The following RRAS2 variants were observed in gnomAD, a reference collection of about 807,000 sequenced individuals.
RRAS2 encodes the protein ras-related protein R-Ras2.
RRAS2 carries 7 observed loss-of-function variants against 27.6 expected under a neutral mutation model. The observed-to-expected ratio is 0.25, with a 90% CI of 0.14 to 0.48. The LOEUF (loss-of-function observed/expected upper bound fraction) is 0.48, where lower values mean the gene tolerates loss of function less well. RRAS2 is among the 20% of genes least tolerant of loss of function. The pLI, the probability that RRAS2 is intolerant of heterozygous loss-of-function variation, is 0.99. For missense variants in RRAS2, 178 were observed against 256.2 expected, an observed-to-expected ratio of 0.69 and a Z score of 2.08; for synonymous variants, 86 against 90.9, an observed-to-expected ratio of 0.95 and a Z score of 0.31.
chr11:14,361,477 C>T (rs996505974), upstream of RRAS2, among the ~76,000 whole-genome samples: 5 of 149,878 alleles, frequency 3.3e-5, no homozygotes, highest in East Asian at 5.9e-4. Context: ...TTCAGTGAGC[C>T]GAGCTCGGGG....
intron 4 of RRAS2, among the ~76,000 whole-genome samples, chr11:14,293,128 T>C (rs1319507851): frequency 2.0e-5 from 1 of 49,990 alleles, no homozygotes; most frequent in African/African-American, 5.9e-5. Flanking sequence ...AAAACAAATA[T>C]ATATATATAT....
chr11:14,294,322 TAC>T lies in RRAS2; in HGVS notation c.408+147_408+148del, dbSNP rs1847489869. ...TTTCACCCGCTGTGACTTCTGTAAATACAGTGTGCCAGACTCAGCTATAAACA... is the reference window on the plus strand; with the variant it reads ...TTTCACCCGCTGTGACTTCTGTAAATAGTGTGCCAGACTCAGCTATAAACA... On this transcript the variant is annotated intron_variant, in intron 4 of 5. Coordinates refer to ENST00000256196, the MANE Select transcript of RRAS2 (RefSeq NM_012250.6). 8.9e-6 allele frequency: 4 copies of T among 450,254 alleles called. No individual in the cohort carries two copies. In the Admixed American group the frequency reaches 1.7e-4, roughly 19 times the overall value. 27.9% of individuals were successfully genotyped at this position (450,254 alleles called of 1,614,324 possible). A position where few individuals can be genotyped will look rare whatever the true frequency, so the allele number is the denominator to read the frequency against.
chr11:14,357,277 C>G (rs1192771870), intron 1 of RRAS2, among the ~76,000 whole-genome samples: 1 of 152,092 alleles, frequency 6.6e-6, no homozygotes, highest in African/African-American at 2.4e-5. Context: ...CACTCCTAGA[C>G]TTCTCCTCCA....
intron 1 of RRAS2, chr11:14,356,712 TC>T (rs1564986404): frequency 2.2e-6 from 1 of 445,034 alleles, no homozygotes; most frequent in Non-Finnish European, 4.5e-6. Flanking sequence ...TTTAATATCA[TC>T]TAGAGCATCC....
chr11:14,309,379 T>C (rs1197436068), intron 1 of RRAS2, among the ~76,000 whole-genome samples: 1 of 152,244 alleles, frequency 6.6e-6, no homozygotes, highest in Admixed American at 6.5e-5. Flanking sequence ...ACCTATAATG[T>C]GCCAAGCATT....
rs56201664 is a variant in RRAS2 at position 14,278,523 on chromosome 11, A to G, written c.*814T>C. ...CTCTGACCCTGGAAAGATCAATTCC[A>G]TATTTTATATTACAAACAAAAACAG... On this transcript the variant is annotated 3_prime_UTR_variant, in exon 6 of 6. Transcript: ENST00000256196. 109 of 152,362 alleles carry G rather than the reference A, an allele frequency of 7.2e-4. No individual in the cohort carries two copies. The highest frequency in any genetic ancestry group is 2.4e-3 in the African/African-American group (100 of 41,586). The allele number at this position is 152,362 out of a possible 1,614,324, so 9.4% of individuals were successfully genotyped here.
chr11:14,312,595 T>C (rs1385989906), intron 1 of RRAS2, among the ~76,000 whole-genome samples: 2 of 152,114 alleles, frequency 1.3e-5, no homozygotes, highest in Non-Finnish European at 1.5e-5. Flanking sequence ...AATTTTTTCA[T>C]TTTTTTGTAG....
intron 1 of RRAS2, among the ~76,000 whole-genome samples, chr11:14,337,957 A>C (rs1848620745): frequency 2.0e-5 from 3 of 152,170 alleles, no homozygotes; most frequent in Admixed American, 2.0e-4. Context: ...GAAAGGAAAA[A>C]ACATGGTTAG....
chr11:14,330,615 G>A (rs1310879061), intron 1 of RRAS2, among the ~76,000 whole-genome samples: 1 of 151,856 alleles, frequency 6.6e-6, no homozygotes. Flanking sequence ...CAGATTCCCT[G>A]AAAAAGCAGA....
At chr11:14,343,168 T>G (rs549493851) in intron 1 of RRAS2, among the ~76,000 whole-genome samples, 1 of 152,206 alleles carries the variant, frequency 6.6e-6, no homozygotes, top group South Asian at 2.1e-4. Flanking sequence ...GCTCAGCCAA[T>G]GGCTTCTTTC....
chr11:14,295,918 A>AGC, intron 1 of RRAS2, 63 bp from the exon 2 acceptor site: 6 of 1,477,534 alleles, frequency 4.1e-6, no homozygotes, highest in Non-Finnish European at 4.7e-6. Flanking sequence ...TCACACCTGT[A>AGC]ATCCTATGCT....
intron 1 of RRAS2, among the ~76,000 whole-genome samples, chr11:14,339,228 G>C (rs1364622087): frequency 7.7e-6 from 1 of 129,066 alleles, no homozygotes; most frequent in Non-Finnish European, 1.6e-5. Context: ...AATCACTTGA[G>C]GCCAGTTGTT....
intron 1 of RRAS2, among the ~76,000 whole-genome samples, chr11:14,325,018 T>G (rs976707452): frequency 6.6e-6 from 1 of 152,176 alleles, no homozygotes; most frequent in East Asian, 1.9e-4. Context: ...TATCTCTAGA[T>G]TCTTCCTAGC....
At chr11:14,289,539 G>A (rs184039684) in intron 4 of RRAS2, among the ~76,000 whole-genome samples, 2 of 152,268 alleles carry the variant, frequency 1.3e-5, no homozygotes, top group Admixed American at 1.3e-4. Context: ...TACACCTTTA[G>A]CAGAATAAAC....
At chr11:14,301,877 G>C (rs1847715375) in intron 1 of RRAS2, among the ~76,000 whole-genome samples, 2 of 152,088 alleles carry the variant, frequency 1.3e-5, no homozygotes, top group South Asian at 4.1e-4. Flanking sequence ...TATTCAGGAG[G>C]CTAAGAAAGG....
chr11:14,353,532 A>G (rs577574672), intron 1 of RRAS2, among the ~76,000 whole-genome samples: 1 of 152,022 alleles, frequency 6.6e-6, no homozygotes, highest in East Asian at 1.9e-4. Flanking sequence ...GAGGCTGCAG[A>G]TAGCCAAGAT....
At position 14,347,046 on chromosome 11, in the gene RRAS2, C is replaced by A. The variant is rs1031567577; in HGVS notation, c.108+11717G>T. On this transcript the variant is annotated intron_variant, in intron 1 of 5. Coordinates refer to ENST00000256196, the MANE Select transcript of RRAS2 (RefSeq NM_012250.6). ...TGGTGGCATATGCCTGTAGTCCTAG[C>A]TACTCAGAGGGCTAAGACAGGAGGA... Among the ~76,000 whole-genome samples the A allele has an allele frequency of 2.6e-5, 4 of 152,114 alleles. No individual in the cohort carries two copies. The South Asian group carries it at 6.2e-4, about 24-fold the overall frequency.
intron 5 of RRAS2, among the ~76,000 whole-genome samples, chr11:14,280,963 G>T (rs1021838902): frequency 6.6e-6 from 1 of 152,024 alleles, no homozygotes. Flanking sequence ...CCTGGAACCC[G>T]TTAACACTTT....
chr11:14,287,209 T>C (rs1849682742), intron 4 of RRAS2, among the ~76,000 whole-genome samples: 1 of 152,224 alleles, frequency 6.6e-6, no homozygotes, highest in Non-Finnish European at 1.5e-5. Flanking sequence ...TTCTTATTCT[T>C]TCACCACGTC....
Sources: allele counts gnomAD v4.1 joint callset (sites outside exome capture counted in the v4.1 genomes callset), GRCh38; gene constraint gnomAD v4.1.1; transcripts MANE v1.5; gene names NCBI Gene and HGNC (gene_info 2026-07-23, HGNC 2026-07-21).